Variants in BRWD1 observed in about 807,000 individuals in gnomAD.
The protein encoded by BRWD1 is bromodomain and WD repeat-containing protein 1.
In BRWD1, 82 loss-of-function variants were observed where a neutral mutation model predicts 251.2. The ratio of observed to expected loss-of-function variants is 0.33; its 90% confidence interval spans 0.27 to 0.39. The LOEUF (loss-of-function observed/expected upper bound fraction) is 0.39, where lower values mean the gene tolerates loss of function less well. Ranked by LOEUF, BRWD1 falls within the 10% of genes least tolerant of loss-of-function variation. The pLI, the probability that BRWD1 is intolerant of heterozygous loss-of-function variation, is 1.00. For synonymous variants in BRWD1, 918 were observed against 902.8 expected (o/e 1.02, Z -0.30); for missense variants, 2,233 against 2,711.6 (o/e 0.82, Z 3.92).
chr21:39,232,496 A>T lies in BRWD1; in HGVS notation c.2769T>A (p.Asn923Lys). ...GCTCTGCTGGAGTCATCCTCCGCAA[A>T]TTCTACCAAGGGGAAGAGAACAAAG... is the stretch of plus-strand genomic sequence containing the variant. ...RKKENKPKKENLRRMTPAELA... is the reference protein window; with the variant it reads ...RKKENKPKKEKLRRMTPAELA... The change falls in exon 24 of 41, where the codon AAT becomes AAA. Residue 923 changes from asparagine (N) to lysine (K), a missense_variant and splice_region_variant. Physicochemically the swap from Asn to Lys is moderately conservative, Grantham distance 94 (BLOSUM62 0). Transcript: ENST00000342449. 1.9e-6 allele frequency: 3 copies of T among 1,587,338 alleles called. No homozygotes were observed. The highest frequency in any genetic ancestry group is 2.6e-6 in the Non-Finnish European group (3 of 1,174,010).
chr21:39,223,691 A>T (rs1179657952), intron 29 of BRWD1, among the ~76,000 whole-genome samples: 1 of 152,178 alleles, frequency 6.6e-6, no homozygotes, highest in Non-Finnish European at 1.5e-5. Flanking sequence ...GGCTGGCTTT[A>T]AATAGTTGTC....
chr21:39,272,008 CAAAAAAAA>C (rs376900840), intron 13 of BRWD1, among the ~76,000 whole-genome samples: 6 of 115,176 alleles, frequency 5.2e-5, no homozygotes, highest in South Asian at 5.8e-4. Flanking sequence ...CACTCCATTT[CAAAAAAAA>C]AAAAAAAAAG....
chr21:39,193,568 T>G lies in BRWD1; in HGVS notation c.*2691A>C. The G allele has an allele frequency of 5.1e-6, 5 of 985,536 alleles. No individual in the cohort carries two copies. Among genetic ancestry groups the G allele is most frequent in the Non-Finnish European group, 6.0e-6 (5 of 829,718 alleles). 61.0% of individuals were successfully genotyped at this position (985,536 alleles called of 1,614,324 possible). A position where few individuals can be genotyped will look rare whatever the true frequency, so the allele number is the denominator to read the frequency against. ...CAAAGCCTGTAAAACCATAAATGAA[T>G]AAAACCATAGGACTTTGGACATACA... On this transcript the variant is annotated 3_prime_UTR_variant, in exon 41 of 41. Transcript: ENST00000342449.
intron 8 of BRWD1, among the ~76,000 whole-genome samples, chr21:39,282,527 T>A (rs970323669): frequency 4.6e-5 from 7 of 152,216 alleles, no homozygotes; most frequent in African/African-American, 1.4e-4. Context: ...ATTCTTTTAT[T>A]CCTTTGCTTT....
intron 4 of BRWD1, among the ~76,000 whole-genome samples, chr21:39,308,743 G>A (rs1472838581): frequency 6.6e-6 from 1 of 152,030 alleles, no homozygotes; most frequent in African/African-American, 2.4e-5. Context: ...AAACCACTAA[G>A]AAAAAGGAAC....
chr21:39,263,989 A>G (rs2034838002), intron 17 of BRWD1, among the ~76,000 whole-genome samples: 1 of 152,180 alleles, frequency 6.6e-6, no homozygotes, highest in African/African-American at 2.4e-5. Context: ...CTTCTACAAA[A>G]TTCCTGACCT....
chr21:39,205,792 T>A (rs1464504927), intron 37 of BRWD1, among the ~76,000 whole-genome samples: 1 of 149,106 alleles, frequency 6.7e-6, no homozygotes, highest in Non-Finnish European at 1.5e-5. Context: ...AAAAAATAAA[T>A]AAATAGGCTG....
At chr21:39,273,649 A>G (rs1327108594) in intron 13 of BRWD1, among the ~76,000 whole-genome samples, 1 of 106,572 alleles carries the variant, frequency 9.4e-6, no homozygotes, top group Non-Finnish European at 2.4e-5. Context: ...ATGGGGGGAC[A>G]GGCTGAGATG....
chr21:39,310,520 A>T (rs561845190), intron 4 of BRWD1, among the ~76,000 whole-genome samples: 3 of 152,098 alleles, frequency 2.0e-5, no homozygotes, highest in South Asian at 2.1e-4. Flanking sequence ...CCAGCTACTG[A>T]GGAGGCTGAG....
At chr21:39,312,027 A>C (rs1035303038) in intron 4 of BRWD1, among the ~76,000 whole-genome samples, 1 of 152,186 alleles carries the variant, frequency 6.6e-6, no homozygotes, top group Non-Finnish European at 1.5e-5. Context: ...GAATTCCTTT[A>C]TCCTAATAAC....
At chr21:39,234,012 T>A (rs1245393207) in intron 23 of BRWD1, among the ~76,000 whole-genome samples, 2 of 152,168 alleles carry the variant, frequency 1.3e-5, no homozygotes, top group Admixed American at 1.3e-4. Context: ...AGAGTAAGAC[T>A]CTGTCTCTAA....
At chr21:39,244,124 C>T (rs920451733) in intron 21 of BRWD1, among the ~76,000 whole-genome samples, 1 of 151,606 alleles carries the variant, frequency 6.6e-6, no homozygotes, top group Non-Finnish European at 1.5e-5. Context: ...AGTGCAGTGG[C>T]GCGATCTCGG....
At chr21:39,257,200 T>C (rs1312926412) in intron 18 of BRWD1, among the ~76,000 whole-genome samples, 1 of 114,808 alleles carries the variant, frequency 8.7e-6, no homozygotes, top group Non-Finnish European at 1.9e-5. Flanking sequence ...TATGAAGCTA[T>C]TTAAAAAAAA....
Position 39,313,587 on chromosome 21 carries a change from G to GCT in BRWD1, c.-97_-96insAG. On this transcript the variant is annotated 5_prime_UTR_variant, in exon 1 of 41. An upstream open reading frame in the 5' UTR loses its in-frame stop. Transcript: ENST00000342449. ...GGGCTGGCGTCCCCTCTTCTCAGGC[G>GCT]CGCGCCGCCGCCGCCGCCGCCGCCG... The GCT allele has an allele frequency of 1.0e-6, 1 of 980,654 alleles. No homozygotes were observed. The highest frequency in any genetic ancestry group is 1.3e-6 in the Non-Finnish European group (1 of 794,550). The allele number at this position is 980,654 out of a possible 1,614,324, so 60.7% of individuals were successfully genotyped here.
At chr21:39,275,492 T>A (rs957396981) in intron 12 of BRWD1, among the ~76,000 whole-genome samples, 1 of 152,184 alleles carries the variant, frequency 6.6e-6, no homozygotes, top group Admixed American at 6.5e-5. Context: ...ACCCCTGCCC[T>A]AGACACTTTT....
At position 39,196,575 on chromosome 21, in the gene BRWD1, TCAGTTA is replaced by T. The variant is rs2031827497; in HGVS notation, c.6488_6493del (p.Val2163_Thr2164del). 1 of 1,613,538 alleles carries T rather than the reference TCAGTTA, an allele frequency of 6.2e-7. No individual in the cohort carries two copies. Among genetic ancestry groups the T allele is most frequent in the Non-Finnish European group, 8.5e-7 (1 of 1,179,772 alleles). ...ATTATCAGTACAGTCAATATCTGAT[TCAGTTA>T]CAGATCCCAAATCTGATGATTTGGA... On this transcript the variant is annotated inframe_deletion, in exon 41 of 41. Coordinates refer to ENST00000342449, the MANE Select transcript of BRWD1 (RefSeq NM_033656.4).
Position 39,238,592 on chromosome 21 carries a change from A to G in BRWD1, c.2482-19T>C, listed in dbSNP as rs1000755077. 25 of 1,556,502 alleles carry G rather than the reference A, an allele frequency of 1.6e-5. No homozygotes were observed. The highest frequency in any genetic ancestry group is 3.4e-5 in the Admixed American group (2 of 59,416). On this transcript the variant is annotated intron_variant, in intron 21 of 40. Coordinates refer to ENST00000342449, the MANE Select transcript of BRWD1 (RefSeq NM_033656.4). ...AAGTCTCCTAATTTGTGAAGGGGGGAAAAAAATCTTGATCCCTGAAGTTAA... is the reference window on the plus strand; with the variant it reads ...AAGTCTCCTAATTTGTGAAGGGGGGGAAAAAATCTTGATCCCTGAAGTTAA...
chr21:39,224,379 T>C (rs1170320035), intron 29 of BRWD1, 29 bp downstream of exon 29: 1 of 1,369,940 alleles, frequency 7.3e-7, no homozygotes, highest in African/African-American at 1.5e-5. Context: ...AAAAATAAAA[T>C]GTTTTCATTA....
intron 4 of BRWD1, among the ~76,000 whole-genome samples, chr21:39,300,994 C>T (rs538182942): frequency 1.8e-4 from 28 of 152,158 alleles, no homozygotes; most frequent in South Asian, 4.2e-4. Flanking sequence ...CTGGCTAACA[C>T]GGTAAAACCC....
Sources: allele counts gnomAD v4.1 joint callset (sites outside exome capture counted in the v4.1 genomes callset), GRCh38; gene constraint gnomAD v4.1.1; transcripts MANE v1.5; gene names NCBI Gene and HGNC (gene_info 2026-07-23, HGNC 2026-07-21).